RPS6KA2: variants seen among roughly 807,000 people sequenced by gnomAD.
The protein encoded by RPS6KA2 is ribosomal protein S6 kinase alpha-2.
In RPS6KA2, 42 loss-of-function variants were observed where a neutral mutation model predicts 91.8. The ratio of observed to expected loss-of-function variants is 0.46; its 90% CI spans 0.36 to 0.59. RPS6KA2 has a LOEUF of 0.59. Among genes scored for constraint, RPS6KA2 ranks in the 20% least tolerant of loss-of-function variants. The probability of loss-of-function intolerance (pLI) is 0.00; values close to 1 mark genes in which losing one functional copy is unlikely to be tolerated. For missense variants in RPS6KA2, 798 were observed against 978.5 expected (o/e 0.82, Z 2.46); for synonymous variants, 414 against 393.6 (o/e 1.05, Z -0.61).
rs148621218 is a variant in RPS6KA2, at chr6:166,620,713, C to T, written c.99+6208G>A. Reference sequence around the variant, plus strand: ...CCAAAGTCAGCTTTGTGCAACACCACGGATGCCAAGTGCAAGCTGTCCTGA... The same window carrying T: ...CCAAAGTCAGCTTTGTGCAACACCATGGATGCCAAGTGCAAGCTGTCCTGA... On this transcript the variant is annotated intron_variant, in intron 1 of 20. Coordinates refer to ENST00000265678, the MANE Select transcript of RPS6KA2 (RefSeq NM_021135.6). 5.4e-4 allele frequency among the ~76,000 whole-genome samples: 83 copies of T among 152,346 alleles called. No homozygotes were observed. In the East Asian group the frequency reaches 0.014, roughly 27 times the overall value.
intron 1 of RPS6KA2, among the ~76,000 whole-genome samples, chr6:166,569,188 C>A (rs1784601276): frequency 6.6e-6 from 1 of 152,214 alleles, no homozygotes. Context: ...CAAGGACTGG[C>A]ACAATCTTCA....
At chr6:166,600,777 G>A (rs1027219882) in intron 1 of RPS6KA2, among the ~76,000 whole-genome samples, 2 of 152,232 alleles carry the variant, frequency 1.3e-5, no homozygotes, top group African/African-American at 4.8e-5. Context: ...ATCAGTGAAA[G>A]AAGCTCATTG....
rs1322075401 is a variant in RPS6KA2 at position 166,625,326 on chromosome 6, CCCCCA to C, written c.99+1590_99+1594del. On this transcript the variant is annotated intron_variant, in intron 1 of 20. Transcript: ENST00000265678. Reference sequence around the variant, plus strand: ...AACCTCGTTTCCTATTCCCACCACCCCCCCACCCCCCCCCCCGCTTGTTTCCCACT... The same window carrying C: ...AACCTCGTTTCCTATTCCCACCACCCCCCCCCCCCCCGCTTGTTTCCCACT... Among the ~76,000 whole-genome samples, 304 of 49,108 alleles carry C rather than the reference CCCCCA, an allele frequency of 6.2e-3. 1 individual carries two copies. Among genetic ancestry groups the C allele is most frequent in the African/African-American group, 0.043 (265 of 6,142 alleles). The allele number at this position is 49,108 out of a possible 152,430, so 32.2% of individuals were successfully genotyped here.
At position 166,494,891 on chromosome 6, in the gene RPS6KA2, C is replaced by T. The variant is rs764125635; in HGVS notation, c.747+3617G>A. 9.2e-5 allele frequency among the ~76,000 whole-genome samples: 14 copies of T among 152,316 alleles called. No homozygotes were observed. The highest frequency in any genetic ancestry group is 5.8e-4 in the East Asian group (3 of 5,184). On this transcript the variant is annotated intron_variant, in intron 8 of 20. Transcript: ENST00000265678. This position sits in a 1 kb window ranked among gnomAD's most constrained non-coding sequence, Gnocchi z 5.1. ...TTCTTTTAAAACAAGGCCCCTCACA[C>T]GCACAACGGCTCTGCACCGATCCGC...
chr6:166,482,872 G>A (rs1219303186), intron 10 of RPS6KA2, among the ~76,000 whole-genome samples: 6 of 152,162 alleles, frequency 3.9e-5, no homozygotes, highest in African/African-American at 1.4e-4. Flanking sequence ...AGAGTGCTTC[G>A]CAGCCATGCT....
intron 2 of RPS6KA2, among the ~76,000 whole-genome samples, chr6:166,799,492 G>C (rs1300042723): frequency 6.6e-6 from 1 of 151,938 alleles, no homozygotes; most frequent in Non-Finnish European, 1.5e-5. Flanking sequence ...CTATCACACT[G>C]GCATAATATC....
At chr6:166,442,222 C>G (rs1359053677) in intron 14 of RPS6KA2, among the ~76,000 whole-genome samples, 5 of 152,226 alleles carry the variant, frequency 3.3e-5, no homozygotes, top group Non-Finnish European at 7.3e-5. Context: ...TGCCCAGCCC[C>G]ATCTGCTCTG....
intron 3 of RPS6KA2, among the ~76,000 whole-genome samples, chr6:166,531,002 G>A (rs1382674301): frequency 2.6e-5 from 4 of 152,218 alleles, no homozygotes; most frequent in African/African-American, 4.8e-5. Context: ...GTGGGAGAAT[G>A]GTATTTACGC....
rs552561060 is a variant in RPS6KA2 at position 166,420,036 on chromosome 6, C to A, written c.1744-78G>T. Reference sequence around the variant, plus strand: ...TGACAGCACGTTTCTCCAGCGGCATCCTACGCCGGCAAGCTGGGGACCAGG... The same window carrying A: ...TGACAGCACGTTTCTCCAGCGGCATACTACGCCGGCAAGCTGGGGACCAGG... On this transcript the variant is annotated intron_variant, in intron 17 of 20. Transcript: ENST00000265678. The A allele has an allele frequency of 3.7e-5, 51 of 1,362,288 alleles. No homozygotes were observed. In the Middle Eastern group the frequency reaches 1.1e-3, roughly 29 times the overall value. The allele number at this position is 1,362,288 out of a possible 1,614,324, so 84.4% of individuals were successfully genotyped here.
At chr6:166,805,309 CAG>C (rs932221460) in intron 2 of RPS6KA2, among the ~76,000 whole-genome samples, 11 of 152,326 alleles carry the variant, frequency 7.2e-5, no homozygotes, top group African/African-American at 2.6e-4. Flanking sequence ...GCTCTGATCA[CAG>C]AGTTGCAGAC....
At chr6:166,634,448 AAAATCGAAATCG>A (rs908806964) in intron 2 of RPS6KA2, among the ~76,000 whole-genome samples, 5 of 152,204 alleles carry the variant, frequency 3.3e-5, no homozygotes, top group African/African-American at 1.2e-4. Flanking sequence ...CCTCGAAATC[AAAATCGAAATCG>A]AAATCGCTGA....
At chr6:166,627,294 C>A, upstream of RPS6KA2, 1 of 919,250 alleles carries the variant, frequency 1.1e-6, no homozygotes, top group South Asian at 4.8e-5. Flanking sequence ...CGCCCACCAC[C>A]ACTACCACCA....
At chr6:166,657,201 C>A (rs145732336) in intron 2 of RPS6KA2, among the ~76,000 whole-genome samples, 1 of 151,964 alleles carries the variant, frequency 6.6e-6, no homozygotes, top group African/African-American at 2.4e-5. Context: ...CCTGGGCGGG[C>A]GAGGGCATTT....
In RPS6KA2 at chr6:166,737,787, C is replaced by T. The variant is rs543264354; in HGVS notation, c.123+120413G>A. Among the ~76,000 whole-genome samples, 9 of 152,228 alleles carry T rather than the reference C, an allele frequency of 5.9e-5. No homozygotes were observed. The East Asian group carries it at 1.5e-3, about 26-fold the overall frequency. The stretch of plus-strand genomic sequence containing the variant: ...CAAAATAGTATATTCCCTGTTTAGA[C>T]GAACTCTAAATTAAACTCAAATCCC... On this transcript the variant is annotated intron_variant, in intron 2 of 21. Transcript: ENST00000503859. The surrounding 1 kb of genome is among the most constrained non-coding windows in gnomAD (Gnocchi z 4.3).
chr6:166,744,694 G>A (rs1469358256), intron 2 of RPS6KA2, among the ~76,000 whole-genome samples: 1 of 152,198 alleles, frequency 6.6e-6, no homozygotes, highest in Non-Finnish European at 1.5e-5. Flanking sequence ...CAGGCCCCAG[G>A]AGAGGAGGAG....
At chr6:166,786,302 A>G (rs1190337487) in intron 2 of RPS6KA2, among the ~76,000 whole-genome samples, 1 of 152,238 alleles carries the variant, frequency 6.6e-6, no homozygotes, top group Admixed American at 6.5e-5. Flanking sequence ...CCTTAATTCC[A>G]AATACAGAAC....
intron 2 of RPS6KA2, among the ~76,000 whole-genome samples, chr6:166,806,180 A>G (rs1779489055): frequency 6.6e-6 from 1 of 152,232 alleles, no homozygotes; most frequent in African/African-American, 2.4e-5. Context: ...GAATGGGGAA[A>G]GAGAGAAAGG....
At chr6:166,422,547 C>T (rs1456609168) in intron 17 of RPS6KA2, among the ~76,000 whole-genome samples, 1 of 152,180 alleles carries the variant, frequency 6.6e-6, no homozygotes, top group Non-Finnish European at 1.5e-5. Context: ...TCAGCCACAG[C>T]CCTTCCCTTC....
At chr6:166,488,075 A>G (rs1207416825) in intron 10 of RPS6KA2, among the ~76,000 whole-genome samples, 1 of 143,108 alleles carries the variant, frequency 7.0e-6, no homozygotes, top group Non-Finnish European at 1.6e-5. Context: ...TCTTCTATCT[A>G]TGAGGTTAGA....
Sources: allele counts gnomAD v4.1 joint callset (sites outside exome capture counted in the v4.1 genomes callset), GRCh38; gene constraint gnomAD v4.1.1; non-coding constraint Gnocchi (gnomAD v3.1); transcripts MANE v1.5; gene names NCBI Gene and HGNC (gene_info 2026-07-23, HGNC 2026-07-21).